Variants in ELOVL7 observed in about 807,000 individuals in gnomAD.
The protein encoded by ELOVL7 is very long chain fatty acid elongase 7.
ELOVL7 carries 27 observed loss-of-function variants against 35.7 expected under a neutral mutation model. The ratio of observed to expected loss-of-function variants is 0.76; its 90% CI spans 0.56 to 1.04. The LOEUF (loss-of-function observed/expected upper bound fraction) is 1.04, where lower values mean the gene tolerates loss of function less well. ELOVL7 is among the 50% of genes least tolerant of loss of function. ELOVL7 has a pLI of 0.00. For synonymous variants in ELOVL7, 113 were observed against 114.6 expected (o/e 0.99, Z 0.09); for missense variants, 327 against 340.8 (o/e 0.96, Z 0.32).
chr5:60,772,167 A>T, intron 3 of ELOVL7, 74 bp from the exon 4 acceptor site: 2 of 911,760 alleles, frequency 2.2e-6, no homozygotes, highest in South Asian at 1.8e-5. Flanking sequence ...CATTTCTTTA[A>T]CTGAGCACCC....
intron 7 of ELOVL7, 93 bp from the exon 8 acceptor site, chr5:60,757,738 G>C: frequency 8.8e-7 from 1 of 1,142,380 alleles, no homozygotes; most frequent in Non-Finnish European, 1.2e-6. Context: ...ATTATTTCTT[G>C]CATTTTGGAA....
At chr5:60,802,109 TA>T (rs1744672440) in intron 1 of ELOVL7, among the ~76,000 whole-genome samples, 1 of 7,420 alleles carries the variant, frequency 1.3e-4, no homozygotes, top group African/African-American at 7.1e-4. Flanking sequence ...TATATATATA[TA>T]TATATATACA....
intron 3 of ELOVL7, among the ~76,000 whole-genome samples, chr5:60,780,813 A>ACTGGGTCCCTCCCT (rs1743204829): frequency 6.6e-6 from 1 of 152,200 alleles, no homozygotes; most frequent in South Asian, 2.1e-4. Flanking sequence ...GTTACCTCCC[A>ACTGGGTCCCTCCCT]CTGGGTCCCT....
chr5:60,835,676 G>T (rs1746755613), intron 1 of ELOVL7, among the ~76,000 whole-genome samples: 1 of 152,016 alleles, frequency 6.6e-6, no homozygotes, highest in Non-Finnish European at 1.5e-5. Flanking sequence ...GCTTCTCAAA[G>T]TGGTGGGATT....
chr5:60,763,953 C>G (rs1742076136), intron 7 of ELOVL7, among the ~76,000 whole-genome samples: 1 of 151,950 alleles, frequency 6.6e-6, no homozygotes, highest in Non-Finnish European at 1.5e-5. Flanking sequence ...ATTTAATAAA[C>G]CTCTCTGGGA....
At chr5:60,763,123 G>A (rs531773205) in intron 7 of ELOVL7, among the ~76,000 whole-genome samples, 2 of 152,210 alleles carry the variant, frequency 1.3e-5, no homozygotes, top group African/African-American at 4.8e-5. Flanking sequence ...ATAAGAAAAA[G>A]CAGCTACATT....
intron 2 of ELOVL7, among the ~76,000 whole-genome samples, chr5:60,793,360 G>C (rs1277842310): frequency 6.6e-6 from 1 of 152,102 alleles, no homozygotes; most frequent in East Asian, 1.9e-4. Context: ...GGGCTCATGA[G>C]ACTGAACTGC....
intron 2 of ELOVL7, among the ~76,000 whole-genome samples, chr5:60,788,502 C>T (rs1227197252): frequency 2.0e-5 from 3 of 152,074 alleles, no homozygotes; most frequent in Admixed American, 6.5e-5. Flanking sequence ...TGGCCGGGTG[C>T]AGTGGCTCAC....
intron 7 of ELOVL7, among the ~76,000 whole-genome samples, chr5:60,763,225 C>A (rs1287124724): frequency 6.6e-6 from 1 of 152,166 alleles, no homozygotes; most frequent in African/African-American, 2.4e-5. Flanking sequence ...GCCATGGTAG[C>A]GACAGCTGTT....
intron 8 of ELOVL7, among the ~76,000 whole-genome samples, chr5:60,755,605 C>T (rs548389966): frequency 4.6e-5 from 7 of 151,920 alleles, no homozygotes; most frequent in Non-Finnish European, 1.0e-4. Context: ...TGCAGTGAGC[C>T]GAGATCGTGC....
chr5:60,754,843 GA>G lies in ELOVL7; in HGVS notation c.637-11del. 6.2e-7 allele frequency: 1 copy of G among 1,607,878 alleles called. No homozygotes were observed. The highest frequency in any genetic ancestry group is 8.5e-7 in the Non-Finnish European group (1 of 1,176,442). ...CAATAACAAACTGGACCTAAGAAATGAAAACGTGAAAAAAAATTATTCAGAT... is the reference window on the plus strand; with the variant it reads ...CAATAACAAACTGGACCTAAGAAATGAAACGTGAAAAAAAATTATTCAGAT... On this transcript the variant is annotated splice_polypyrimidine_tract_variant and intron_variant, in intron 8 of 8. Coordinates refer to ENST00000508821, the MANE Select transcript of ELOVL7 (RefSeq NM_024930.3).
At chr5:60,828,760 A>G (rs1267219520) in intron 1 of ELOVL7, among the ~76,000 whole-genome samples, 4 of 152,194 alleles carry the variant, frequency 2.6e-5, no homozygotes, top group Admixed American at 2.6e-4. Context: ...CAGCTAAATA[A>G]GTTACTCGTA....
At chr5:60,808,021 A>AAAAAAG (rs1745041452) in intron 1 of ELOVL7, among the ~76,000 whole-genome samples, 1 of 136,720 alleles carries the variant, frequency 7.3e-6, no homozygotes. Flanking sequence ...AAAAAAAAAA[A>AAAAAAG]GAATAAAATG....
intron 8 of ELOVL7, among the ~76,000 whole-genome samples, chr5:60,756,614 T>C (rs1031167238): frequency 2.0e-5 from 3 of 152,162 alleles, no homozygotes; most frequent in Admixed American, 1.3e-4. Flanking sequence ...CTGATCTTGA[T>C]TTAGGATCCT....
chr5:60,752,334 T>C lies in ELOVL7; in HGVS notation c.*2290A>G, dbSNP rs184922158. ...AGTATGTGTTTTATTACATGTTAGCTTATAGGCAAGTTAAACATTTTAAAG... is the reference window on the plus strand; with the variant it reads ...AGTATGTGTTTTATTACATGTTAGCCTATAGGCAAGTTAAACATTTTAAAG... On this transcript the variant is annotated 3_prime_UTR_variant, in exon 9 of 9. Transcript: ENST00000508821. The C allele has an allele frequency of 6.5e-6, 1 of 152,786 alleles. No individual in the cohort carries two copies. The highest frequency in any genetic ancestry group is 6.5e-5 in the Admixed American group (1 of 15,304). 9.5% of individuals were successfully genotyped at this position (152,786 alleles called of 1,614,324 possible).
At position 60,840,002 on chromosome 5, in the gene ELOVL7, G is replaced by A. The variant is rs568210626; in HGVS notation, c.-86+4158C>T. The stretch of plus-strand genomic sequence containing the variant: ...GTGACAGAGAGAGACCCTGTCTCGG[G>A]GGGAGAAAAGAGCATCCTTCTGTAT... On this transcript the variant is annotated intron_variant, in intron 1 of 8. Coordinates refer to ENST00000508821, the MANE Select transcript of ELOVL7 (RefSeq NM_024930.3). Among the ~76,000 whole-genome samples, 7 of 152,048 alleles carry A rather than the reference G, an allele frequency of 4.6e-5. No homozygotes were observed. The South Asian group carries it at 6.3e-4, about 14-fold the overall frequency.
intron 6 of ELOVL7, among the ~76,000 whole-genome samples, chr5:60,766,258 T>G (rs927436890): frequency 3.3e-5 from 5 of 152,224 alleles, no homozygotes; most frequent in African/African-American, 7.2e-5. Flanking sequence ...ACAACTGTCA[T>G]CCATCTATAT....
In ELOVL7 at chr5:60,837,667, C is replaced by T. The variant is rs530042211; in HGVS notation, c.-86+6493G>A. ...ATCAAGATATCTAATGTAGGCTGGG[C>T]GCAGTGGCTCATGCCTGTAATCCCA... On this transcript the variant is annotated intron_variant, in intron 1 of 8. Coordinates refer to ENST00000508821, the MANE Select transcript of ELOVL7 (RefSeq NM_024930.3). Among the ~76,000 whole-genome samples, 5 of 151,728 alleles carry T rather than the reference C, an allele frequency of 3.3e-5. No homozygotes were observed. The South Asian group carries it at 8.4e-4, about 25-fold the overall frequency.
intron 5 of ELOVL7, 139 bp from the exon 6 acceptor site, chr5:60,766,769 C>T: frequency 3.1e-6 from 2 of 643,638 alleles, no homozygotes; most frequent in Non-Finnish European, 5.2e-6. Flanking sequence ...GCATTAAGTA[C>T]CTTCACACTG....
Sources: allele counts gnomAD v4.1 joint callset (sites outside exome capture counted in the v4.1 genomes callset), GRCh38; gene constraint gnomAD v4.1.1; transcripts MANE v1.5; gene names NCBI Gene and HGNC (gene_info 2026-07-23, HGNC 2026-07-21).